The following OTOGL variants were observed in gnomAD, a reference collection of about 807,000 sequenced individuals.
OTOGL encodes the protein otogelin-like protein.
A neutral mutation model predicts 318.5 loss-of-function variants in OTOGL; 285 were observed. The ratio of observed to expected loss-of-function variants is 0.89; its 90% confidence interval spans 0.81 to 0.99. The LOEUF (loss-of-function observed/expected upper bound fraction) is 0.99. Among genes scored for constraint, OTOGL ranks in the 50% least tolerant of loss-of-function variants. The probability of loss-of-function intolerance (pLI) is 0.00; values close to 1 mark genes in which losing one functional copy is unlikely to be tolerated. For missense variants in OTOGL, 2,899 were observed against 2,845.6 expected, an observed-to-expected ratio of 1.02 and a Z score of -0.43; for synonymous variants, 987 against 936.5, an observed-to-expected ratio of 1.05 and a Z score of -0.99.
intron 35 of OTOGL, among the ~76,000 whole-genome samples, chr12:80,324,073 C>T (rs759091244): frequency 6.6e-6 from 1 of 152,068 alleles, no homozygotes; most frequent in Non-Finnish European, 1.5e-5. Context: ...AGTACTTGCC[C>T]TCATGAAGCT....
In OTOGL at chr12:80,367,703, T is replaced by C; in HGVS notation, c.6474T>C (p.Asn2158=). Residue 2158 remains asparagine, a synonymous_variant, in exon 54 of 59, where the codon AAT becomes AAC. Transcript: ENST00000547103. ...ACCATACGGGCTTTCACACTCTGAA[T>C]TTTACACTGGTGAATTGTTCAAAAA... is the stretch of plus-strand genomic sequence containing the variant. ...KDNHTGFHTL[N]FTLVNCSKKC... 6.8e-7 allele frequency: 1 copy of C among 1,463,114 alleles called. No individual in the cohort carries two copies. Among genetic ancestry groups the C allele is most frequent in the Non-Finnish European group, 9.1e-7 (1 of 1,104,090 alleles). The allele number at this position is 1,463,114 out of a possible 1,614,324, so 90.6% of individuals were successfully genotyped here.
intron 16 of OTOGL, 27 bp downstream of exon 16, chr12:80,255,212 G>A: frequency 7.3e-7 from 1 of 1,372,998 alleles, no homozygotes; most frequent in Non-Finnish European, 9.4e-7. Flanking sequence ...ATGACCAGAG[G>A]AATATGGATT....
chr12:80,356,860 C>A lies in OTOGL; in HGVS notation c.5965C>A (p.Gln1989Lys), dbSNP rs745406209. 5.6e-6 allele frequency: 9 copies of A among 1,599,644 alleles called. No homozygotes were observed. Among genetic ancestry groups the A allele is most frequent in the Non-Finnish European group, 7.7e-6 (9 of 1,172,812 alleles). ...SISTPECRED[Q>K]FMIQVRQEEP... ...TTCAACACCAGAATGCAGAGAAGAT[C>A]AATTCATGATTCAAGTTCGACAGGA... Residue 1989 changes from glutamine (Q) to lysine (K), a missense_variant, in exon 49 of 59, where the codon CAA (glutamine) becomes AAA (lysine). Physicochemically the swap from Gln to Lys is moderately conservative, Grantham distance 53. Coordinates refer to ENST00000547103, the MANE Select transcript of OTOGL (RefSeq NM_001378609.3).
intron 14 of OTOGL, among the ~76,000 whole-genome samples, chr12:80,253,973 T>C (rs1327906213): frequency 6.6e-6 from 1 of 152,120 alleles, no homozygotes; most frequent in Non-Finnish European, 1.5e-5. Flanking sequence ...ATTTGCTAAC[T>C]AACACTGTTG....
intron 9 of OTOGL, among the ~76,000 whole-genome samples, chr12:80,238,499 C>T (rs12316628): frequency 0.025 from 3,770 of 151,944 alleles, 172 homozygotes; most frequent in African/African-American, 0.085. Context: ...TATATTTTTT[C>T]GTTTTACGCA....
intron 35 of OTOGL, 61 bp downstream of exon 35, chr12:80,323,901 G>A: frequency 7.6e-7 from 1 of 1,319,622 alleles, no homozygotes; most frequent in Non-Finnish European, 1.1e-6. Flanking sequence ...GTTTTCAGTT[G>A]ATTTTTTTCA....
At chr12:80,196,279 A>G (rs1876060870) in intron 1 of OTOGL, among the ~76,000 whole-genome samples, 1 of 152,320 alleles carries the variant, frequency 6.6e-6, no homozygotes, top group South Asian at 2.1e-4. Context: ...AATTTTTCCC[A>G]GGGACAGTTA....
chr12:80,189,552 T>G, intron 1 of OTOGL: 4 of 783,228 alleles, frequency 5.1e-6, no homozygotes, highest in Non-Finnish European at 6.2e-6. Context: ...AGGAAGCTTC[T>G]GAAATGACAA....
rs1286348938 is a variant in OTOGL, at chr12:80,341,955, C to T, written c.5058C>T (p.Cys1686=). ...GTCATATATTCTTTCAAGGAATTTG[C>T]AATGAAGATCCGGATGATGATCTAA... The part of the protein sequence containing the change: ...SSYTEGLCGI[C]NEDPDDDLRM... Residue 1686 remains cysteine, a synonymous_variant, in exon 44 of 59, where the codon TGC becomes TGT. Coordinates refer to ENST00000547103, the MANE Select transcript of OTOGL (RefSeq NM_001378609.3). The T allele has an allele frequency of 6.3e-6, 10 of 1,598,490 alleles. No individual in the cohort carries two copies. Among genetic ancestry groups the T allele is most frequent in the Non-Finnish European group, 8.5e-6 (10 of 1,170,108 alleles).
At position 80,339,251 on chromosome 12, in the gene OTOGL, A is replaced by G. The variant is rs571090133; in HGVS notation, c.5037A>G (p.Thr1679=). The part of the protein sequence containing the change: ...FGFRFNLSSY[T]EGLCGICNED... Reference sequence around the variant, plus strand: ...TCCGATTTAACTTGTCATCCTACACAGAAGGACTCTGTGGTGAGCGCTGCC... The same window carrying G: ...TCCGATTTAACTTGTCATCCTACACGGAAGGACTCTGTGGTGAGCGCTGCC... Residue 1679 remains threonine (T), a synonymous_variant, in exon 43 of 59, where the codon ACA becomes ACG. Transcript: ENST00000547103. 67 of 1,605,884 alleles carry G rather than the reference A, an allele frequency of 4.2e-5. No homozygotes were observed. In the African/African-American group the frequency reaches 8.8e-4, roughly 21 times the overall value.
At chr12:80,183,466 G>T (rs767493464) in intron 1 of OTOGL, among the ~76,000 whole-genome samples, 1 of 152,180 alleles carries the variant, frequency 6.6e-6, no homozygotes, top group Non-Finnish European at 1.5e-5. Flanking sequence ...AATAGAGATA[G>T]AATCAGGATG....
chr12:80,243,804 T>C (rs1880594716), intron 11 of OTOGL, among the ~76,000 whole-genome samples: 1 of 148,186 alleles, frequency 6.7e-6, no homozygotes, highest in African/African-American at 2.5e-5. Flanking sequence ...ATATAAAATA[T>C]ATATTTCCAT....
chr12:80,339,052 C>G, intron 42 of OTOGL, 23 bp from the exon 43 acceptor site: 1 of 1,515,324 alleles, frequency 6.6e-7, no homozygotes, highest in Non-Finnish European at 9.1e-7. Context: ...TATTTCTTAA[C>G]AGGTGTATTT....
At chr12:80,126,700 C>A (rs1291522190) in intron 1 of OTOGL, among the ~76,000 whole-genome samples, 2 of 152,152 alleles carry the variant, frequency 1.3e-5, no homozygotes, top group African/African-American at 4.8e-5. Flanking sequence ...TCTCTAAGGA[C>A]TTGCTTTATG....
intron 1 of OTOGL, among the ~76,000 whole-genome samples, chr12:80,117,041 G>C (rs550723859): frequency 6.6e-6 from 1 of 152,278 alleles, no homozygotes; most frequent in Non-Finnish European, 1.5e-5. Flanking sequence ...CATGAAGTCT[G>C]TGCTGTTGGG....
At chr12:80,239,068 A>G (rs1012195869) in intron 10 of OTOGL, 90 bp downstream of exon 10, 4 of 1,340,018 alleles carry the variant, frequency 3.0e-6, no homozygotes. Context: ...TAGTGTAAAC[A>G]CAACATAATT....
intron 49 of OTOGL, among the ~76,000 whole-genome samples, chr12:80,357,642 G>A (rs1889991571): frequency 6.6e-6 from 1 of 152,132 alleles, no homozygotes; most frequent in Non-Finnish European, 1.5e-5. Context: ...GCTGTTCTAG[G>A]TAGAAGTCAC....
intron 15 of OTOGL, 148 bp downstream of exon 15, chr12:80,254,718 T>C: frequency 1.5e-6 from 1 of 661,726 alleles, no homozygotes; most frequent in East Asian, 2.9e-5. Context: ...ACATGGAAAA[T>C]TGAACAAGTG....
intron 1 of OTOGL, among the ~76,000 whole-genome samples, chr12:80,146,267 AG>A (rs1258687230): frequency 1.4e-5 from 2 of 146,712 alleles, no homozygotes; most frequent in Admixed American, 6.6e-5. Flanking sequence ...TTTAGCATGA[AG>A]GGTTGTTGAA....
Sources: gnomAD v4.1 joint callset for allele counts (sites outside exome capture counted in the v4.1 genomes callset) on GRCh38, gnomAD v4.1.1 for gene constraint, MANE v1.5 for transcripts, NCBI Gene and HGNC (gene_info 2026-07-23, HGNC 2026-07-21) for gene names.